Variants in BANP observed in about 807,000 individuals in gnomAD.
The protein encoded by BANP is BTG3 associated nuclear protein, also known as protein BANP.
A neutral mutation model predicts 68.1 loss-of-function variants in BANP; 11 were observed. The ratio of observed to expected loss-of-function variants is 0.16; its 90% CI spans 0.10 to 0.27. The LOEUF is 0.27. Among genes scored for constraint, BANP ranks in the 10% least tolerant of loss-of-function variants. The pLI is 1.00. For missense variants in BANP, 504 were observed against 722.7 expected, an observed-to-expected ratio of 0.70 and a Z score of 3.47; for synonymous variants, 329 against 303.2, an observed-to-expected ratio of 1.09 and a Z score of -0.88.
At chr16:88,040,005 C>T (rs1333364645) in intron 11 of BANP, among the ~76,000 whole-genome samples, 1 of 152,178 alleles carries the variant, frequency 6.6e-6, no homozygotes, top group Non-Finnish European at 1.5e-5. Flanking sequence ...CTGTTTTTGT[C>T]CGCCTTGTGA....
chr16:88,042,298 C>T (rs1219864694), intron 11 of BANP, among the ~76,000 whole-genome samples: 1 of 152,212 alleles, frequency 6.6e-6, no homozygotes, highest in Admixed American at 6.5e-5. Context: ...GTTCAGGGGA[C>T]GGTGGCGGGT....
intron 1 of BANP, chr16:87,969,909 CTTTTTTTTT>C (rs34640333): frequency 2.6e-5 from 3 of 117,328 alleles, no homozygotes; most frequent in African/African-American, 1.0e-4. Context: ...GTTGATTGGT[CTTTTTTTTT>C]TTTTTTTTTG....
At position 87,976,611 on chromosome 16, in the gene BANP, C is replaced by G. The variant is rs1487177690; in HGVS notation, c.70+1426C>G. Reference sequence around the variant, plus strand: ...TTTCAGGAATGTTTGAATTGAAATGCTCACAATTTATTCCCCCAGAAGAGA... The same window carrying G: ...TTTCAGGAATGTTTGAATTGAAATGGTCACAATTTATTCCCCCAGAAGAGA... On this transcript the variant is annotated intron_variant, in intron 2 of 13. Coordinates refer to ENST00000682872, the MANE Select transcript of BANP (RefSeq NM_001386991.1). Among the ~76,000 whole-genome samples, 5 of 151,576 alleles carry G rather than the reference C, an allele frequency of 3.3e-5. 1 individual carries two copies. The Admixed American group carries it at 3.3e-4, about 10-fold the overall frequency.
intron 5 of BANP, among the ~76,000 whole-genome samples, 175 bp from the exon 6 acceptor site, chr16:88,005,915 A>G (rs2070931060): frequency 6.6e-6 from 1 of 152,210 alleles, no homozygotes; most frequent in African/African-American, 2.4e-5. Flanking sequence ...TTTCAGCCCC[A>G]GGCCATTTTC....
chr16:88,035,453 C>T, intron 10 of BANP, 59 bp downstream of exon 10: 1 of 1,470,930 alleles, frequency 6.8e-7, no homozygotes, highest in Non-Finnish European at 9.3e-7. Context: ...ATGCTCCCGA[C>T]CTTCATCGGT....
chr16:88,044,444 G>A lies in BANP; in HGVS notation c.1311+6433G>A, dbSNP rs73248996. 5.3e-3 allele frequency among the ~76,000 whole-genome samples: 811 copies of A among 152,338 alleles called. 10 individuals carry two copies. The highest frequency in any genetic ancestry group is 0.018 in the African/African-American group (767 of 41,580). On this transcript the variant is annotated intron_variant, in intron 11 of 13. Coordinates refer to ENST00000682872, the MANE Select transcript of BANP (RefSeq NM_001386991.1). ...GGTCCACAGAACGGTATTACTGCGT[G>A]CTGATTGCACTAATATTTTTTATTG...
intron 1 of BANP, among the ~76,000 whole-genome samples, chr16:87,952,980 G>A (rs757776218): frequency 6.6e-6 from 1 of 152,120 alleles, no homozygotes; most frequent in African/African-American, 2.4e-5. Context: ...TTGTTGTCCA[G>A]CCTGGGGCTT....
intron 4 of BANP, among the ~76,000 whole-genome samples, chr16:87,994,994 C>T (rs932815798): frequency 6.6e-6 from 1 of 151,966 alleles, no homozygotes; most frequent in Non-Finnish European, 1.5e-5. Context: ...CCCTGGGTGC[C>T]TCTGATGCCT....
intron 12 of BANP, 142 bp downstream of exon 12, chr16:88,065,474 C>T (rs1023384618): frequency 6.9e-6 from 4 of 581,716 alleles, no homozygotes; most frequent in Non-Finnish European, 1.2e-5. Context: ...TGAGCCACAT[C>T]TGTGAGATCC....
chr16:88,055,002 C>T (rs1166632704), intron 11 of BANP, among the ~76,000 whole-genome samples: 1 of 152,146 alleles, frequency 6.6e-6, no homozygotes, highest in African/African-American at 2.4e-5. Context: ...TTTTCAGTCA[C>T]ATGGGAAGCT....
At chr16:87,972,779 C>G (rs2061359518) in intron 1 of BANP, among the ~76,000 whole-genome samples, 1 of 152,162 alleles carries the variant, frequency 6.6e-6, no homozygotes, top group South Asian at 2.1e-4. Context: ...GTTTCCGTGC[C>G]CTGCACATTT....
intron 6 of BANP, among the ~76,000 whole-genome samples, chr16:88,016,023 C>T (rs941611506): frequency 2.0e-4 from 30 of 152,308 alleles, no homozygotes; most frequent in African/African-American, 7.0e-4. Flanking sequence ...CATGGGCCTC[C>T]GCAGCCTCTG....
chr16:88,077,282 T>C lies in BANP; in HGVS notation c.*621T>C, dbSNP rs991768941. 2.0e-5 allele frequency: 3 copies of C among 152,344 alleles called. No individual in the cohort carries two copies. The highest frequency in any genetic ancestry group is 4.4e-5 in the Non-Finnish European group (3 of 68,072). The allele number at this position is 152,344 out of a possible 1,614,324, so 9.4% of individuals were successfully genotyped here. A position where few individuals can be genotyped will look rare whatever the true frequency, so the allele number is the denominator to read the frequency against. On this transcript the variant is annotated 3_prime_UTR_variant, in exon 14 of 14. Coordinates refer to ENST00000682872, the MANE Select transcript of BANP (RefSeq NM_001386991.1). ...GAAATGCTCTTAAACACTGTAATTA[T>C]GCATTTCTAATGAAATAAAATGTAT... is the stretch of plus-strand genomic sequence containing the variant.
chr16:87,980,045 G>A (rs1053852656), intron 2 of BANP, among the ~76,000 whole-genome samples: 16 of 152,138 alleles, frequency 1.1e-4, no homozygotes, highest in South Asian at 2.1e-4. Context: ...AGATGGTCTC[G>A]CACCTCCCAC....
At position 88,018,258 on chromosome 16, in the gene BANP, A is replaced by G. The variant is rs1396532770; in HGVS notation, c.656-170A>G. 6.6e-6 allele frequency among the ~76,000 whole-genome samples: 1 copy of G among 151,954 alleles called. No homozygotes were observed. Among genetic ancestry groups the G allele is most frequent in the Admixed American group, 6.5e-5 (1 of 15,272 alleles). Reference sequence around the variant, plus strand: ...GTTCCGCGTCAGTTCTTTCTTGGGCAGCAGTCGGAGGCTCCAGCGCTCTTG... The same window carrying G: ...GTTCCGCGTCAGTTCTTTCTTGGGCGGCAGTCGGAGGCTCCAGCGCTCTTG... On this transcript the variant is annotated intron_variant, in intron 6 of 13. Coordinates refer to ENST00000682872, the MANE Select transcript of BANP (RefSeq NM_001386991.1). The surrounding 1 kb of genome is among the most constrained non-coding windows in gnomAD (Gnocchi z 7.7).
At chr16:88,060,432 C>G (rs142509137) in intron 11 of BANP, among the ~76,000 whole-genome samples, 110 of 152,338 alleles carry the variant, frequency 7.2e-4, no homozygotes, top group African/African-American at 2.1e-3. Flanking sequence ...ACGTTGGACA[C>G]GCGAGTGATC....
At chr16:88,026,630 T>C (rs1044191356) in intron 7 of BANP, among the ~76,000 whole-genome samples, 1 of 151,578 alleles carries the variant, frequency 6.6e-6, no homozygotes, top group Non-Finnish European at 1.5e-5. Context: ...TAACAATACA[T>C]ACATGAATTC....
At chr16:88,059,985 C>T (rs1292354941) in intron 11 of BANP, among the ~76,000 whole-genome samples, 3 of 152,228 alleles carry the variant, frequency 2.0e-5, no homozygotes, top group Non-Finnish European at 4.4e-5. Flanking sequence ...GTGGGGTTCT[C>T]CGTGTAGTGT....
intron 4 of BANP, among the ~76,000 whole-genome samples, chr16:87,995,273 T>TG (rs890671610): frequency 6.6e-6 from 1 of 152,206 alleles, no homozygotes; most frequent in Non-Finnish European, 1.5e-5. Context: ...TGGGGGTTTT[T>TG]GGGGGGCCTG....
Sources: gnomAD v4.1 joint callset for allele counts (sites outside exome capture counted in the v4.1 genomes callset) on GRCh38, gnomAD v4.1.1 for gene constraint, Gnocchi (gnomAD v3.1) non-coding constraint, MANE v1.5 for transcripts, NCBI Gene and HGNC (gene_info 2026-07-23, HGNC 2026-07-21) for gene names.